The following CPLANE1 variants were observed in gnomAD, a reference collection of about 807,000 sequenced individuals.
CPLANE1 encodes the protein ciliogenesis and planar polarity effector complex subunit 1, also known as ciliogenesis and planar polarity effector 1.
Under a neutral mutation model 362.5 loss-of-function variants are expected in CPLANE1, and 263 were observed. The ratio of observed to expected loss-of-function variants is 0.73; its 90% CI spans 0.66 to 0.80. The LOEUF is 0.80. Among genes scored for constraint, CPLANE1 ranks in the 30% least tolerant of loss-of-function variants. CPLANE1 has a pLI of 0.00. For synonymous variants in CPLANE1, 1,212 were observed against 1,302.6 expected, an observed-to-expected ratio of 0.93 and a Z score of 1.50; for missense variants, 3,461 against 3,793.4, an observed-to-expected ratio of 0.91 and a Z score of 2.30.
intron 38 of CPLANE1, among the ~76,000 whole-genome samples, chr5:37,162,189 A>C (rs764559308): frequency 2.6e-5 from 4 of 152,238 alleles, no homozygotes; most frequent in Non-Finnish European, 5.9e-5. Context: ...CAGTAAAGGT[A>C]ATCAATAACA....
At chr5:37,178,599 C>T (rs1168959732) in intron 29 of CPLANE1, among the ~76,000 whole-genome samples, 1 of 147,538 alleles carries the variant, frequency 6.8e-6, no homozygotes, top group Admixed American at 6.7e-5. Context: ...GGCAAAAGAG[C>T]AAGACCCTCA....
At chr5:37,226,104 A>G (rs772034888) in intron 12 of CPLANE1, among the ~76,000 whole-genome samples, 200 bp downstream of exon 12, 11 of 152,190 alleles carry the variant, frequency 7.2e-5, no homozygotes, top group Non-Finnish European at 1.3e-4. Context: ...GTGCTAACAG[A>G]TAAAAGATTT....
At position 37,190,006 on chromosome 5, in the gene CPLANE1, AAAAAG is replaced by A. The variant is rs564800584; in HGVS notation, c.3812-2169_3812-2165del. Reference sequence around the variant, plus strand: ...AGACTTGAGATTTTGTCTCAAAAAAAAAAAGAAAAGAAAAGAAGAGTGCATTGCAC... The same window carrying A: ...AGACTTGAGATTTTGTCTCAAAAAAAAAAAGAAAAGAAGAGTGCATTGCAC... On this transcript the variant is annotated intron_variant, in intron 21 of 52. Coordinates refer to ENST00000651892, the MANE Select transcript of CPLANE1 (RefSeq NM_001384732.1). 1.6e-3 allele frequency among the ~76,000 whole-genome samples: 250 copies of A among 152,246 alleles called. 1 individual carries two copies. Among genetic ancestry groups the A allele is most frequent in the Non-Finnish European group, 2.6e-3 (177 of 68,002 alleles).
chr5:37,232,857 A>G (rs888232200), intron 8 of CPLANE1, among the ~76,000 whole-genome samples: 2 of 149,950 alleles, frequency 1.3e-5, no homozygotes, highest in Non-Finnish European at 3.0e-5. Flanking sequence ...AAAAAAAAAA[A>G]AAAAAGAAAG....
At chr5:37,111,378 C>T (rs1759268556) in intron 51 of CPLANE1, among the ~76,000 whole-genome samples, 1 of 152,142 alleles carries the variant, frequency 6.6e-6, no homozygotes. Flanking sequence ...CCCGCCTCGG[C>T]CTCCCAAAGT....
intron 47 of CPLANE1, among the ~76,000 whole-genome samples, chr5:37,124,512 G>T (rs969536607): frequency 3.3e-5 from 5 of 152,072 alleles, no homozygotes; most frequent in Non-Finnish European, 5.9e-5. Flanking sequence ...TTCTTTGTAG[G>T]TAACTTATGA....
intron 46 of CPLANE1, among the ~76,000 whole-genome samples, chr5:37,131,304 C>T (rs1765717444): frequency 6.6e-6 from 1 of 152,142 alleles, no homozygotes; most frequent in African/African-American, 2.4e-5. Context: ...AGGTTGAACT[C>T]AGTGATTCCC....
At chr5:37,094,209 T>C in the CPLANE1 span, among the ~76,000 whole-genome samples, 1 of 152,200 alleles carries the variant, frequency 6.6e-6, no homozygotes, top group Admixed American at 6.5e-5. Context: ...GCATAATATC[T>C]GTGTCAGTGT....
At chr5:37,085,829 G>A in the CPLANE1 span, 8 of 1,362,794 alleles carry the variant, frequency 5.9e-6, no homozygotes, top group Non-Finnish European at 8.4e-6. Context: ...CAAAAGACTG[G>A]GGGCCAAACA....
chr5:37,125,265 A>G lies in CPLANE1; in HGVS notation c.8937T>C (p.Pro2979=), dbSNP rs1373345327. The G allele has an allele frequency of 6.2e-7, 1 of 1,613,784 alleles. No individual in the cohort carries two copies. The highest frequency in any genetic ancestry group is 1.3e-5 in the African/African-American group (1 of 75,024). Residue 2979 remains proline, a synonymous_variant, in exon 47 of 53, where the codon CCT becomes CCC. Coordinates refer to ENST00000651892, the MANE Select transcript of CPLANE1 (RefSeq NM_001384732.1). ...TTACTGGATTGCTTCTGGGACAGAAAGGATCATGTTCTTGCCCTCTCTTTT... is the reference window on the plus strand; with the variant it reads ...TTACTGGATTGCTTCTGGGACAGAAGGGATCATGTTCTTGCCCTCTCTTTT... ...LAEKRGQEHD[P]FCPRSNPLYM...
Position 37,197,397 on chromosome 5 carries a change from T to C in CPLANE1, c.3672+1305A>G, listed in dbSNP as rs571534936. On this transcript the variant is annotated intron_variant, in intron 20 of 52. Transcript: ENST00000651892. ...TTACTACCAGGATGGTACTAAGAGG[T>C]AGAGAGAGAGAGAGCCAGCAAAGAA... Among the ~76,000 whole-genome samples, 13 of 150,960 alleles carry C rather than the reference T, an allele frequency of 8.6e-5. No individual in the cohort carries two copies. In the South Asian group the frequency reaches 2.7e-3, roughly 32 times the overall value.
chr5:37,139,249 TA>T, intron 45 of CPLANE1, 90 bp downstream of exon 45: 1 of 1,250,938 alleles, frequency 8.0e-7, no homozygotes, highest in Non-Finnish European at 1.1e-6. Context: ...AAGATATATA[TA>T]ATGTAAAAAT....
intron 43 of CPLANE1, among the ~76,000 whole-genome samples, chr5:37,144,162 C>A (rs1770696527): frequency 6.6e-6 from 1 of 151,598 alleles, no homozygotes; most frequent in African/African-American, 2.4e-5. Flanking sequence ...GTAATCCCAG[C>A]ACTTTGGGAG....
At chr5:37,249,190 C>CG (rs1210135129) in intron 1 of CPLANE1, 55 bp downstream of exon 1, 2 of 152,392 alleles carry the variant, frequency 1.3e-5, no homozygotes, top group African/African-American at 2.4e-5. Context: ...CGCCCGGGTC[C>CG]GGGGAGCTTA....
intron 14 of CPLANE1, among the ~76,000 whole-genome samples, chr5:37,223,818 T>C (rs771384502): frequency 1.3e-5 from 2 of 152,160 alleles, no homozygotes; most frequent in Non-Finnish European, 2.9e-5. Flanking sequence ...ATATGACCTA[T>C]AGTTTCCTAT....
intron 26 of CPLANE1, 76 bp from the exon 27 acceptor site, chr5:37,181,081 T>A: frequency 8.0e-7 from 1 of 1,242,376 alleles, no homozygotes; most frequent in Non-Finnish European, 1.1e-6. Flanking sequence ...TTATTCATTC[T>A]TTCTACAGGA....
chr5:37,077,057 T>G, the CPLANE1 span, among the ~76,000 whole-genome samples: 2,184 of 152,034 alleles, frequency 0.014, 57 homozygotes, highest in African/African-American at 0.051. Context: ...ATAGACAGGA[T>G]GCATTTCAAT....
At chr5:37,115,875 G>C (rs1760805743) in intron 50 of CPLANE1, among the ~76,000 whole-genome samples, 1 of 151,896 alleles carries the variant, frequency 6.6e-6, no homozygotes, top group Non-Finnish European at 1.5e-5. Context: ...TTACAGGCGT[G>C]AGCCACCATG....
In CPLANE1 at chr5:37,142,393, G is replaced by T. The variant is rs762428272; in HGVS notation, c.8549C>A (p.Ser2850Tyr). 13 of 1,611,690 alleles carry T rather than the reference G, an allele frequency of 8.1e-6. No homozygotes were observed. Among genetic ancestry groups the T allele is most frequent in the Non-Finnish European group, 1.1e-5 (13 of 1,179,044 alleles). Residue 2850 changes from serine (S) to tyrosine (Y), a missense_variant, in exon 44 of 53, where the codon TCT (serine) becomes TAT (tyrosine). This residue lies in a region of CPLANE1 where 3,380 missense variants were observed against 3,666.1 expected (regional missense o/e 0.92). Transcript: ENST00000651892. ...AGGAAACACACAGGTTTTCTGACCA[G>T]AATAATTTTCTGTTATTGAAAATTC... The part of the protein sequence containing the change: ...EPEFSITENY[S>Y]GQKTCVFPTA...
Sources: allele counts gnomAD v4.1 joint callset (sites outside exome capture counted in the v4.1 genomes callset), GRCh38; gene constraint gnomAD v4.1.1; regional missense constraint gnomAD v4.1.1; transcripts MANE v1.5; gene names NCBI Gene and HGNC (gene_info 2026-07-23, HGNC 2026-07-21).